The following SPG7 variants were observed in gnomAD, a reference collection of about 807,000 sequenced individuals.
The protein encoded by SPG7 is mitochondrial inner membrane m-AAA protease component paraplegin.
Under a neutral mutation model 81.9 loss-of-function variants are expected in SPG7, and 103 were observed. That is an observed-to-expected ratio of 1.26 (90% CI 1.07 to 1.48). The LOEUF is 1.48. Ranked by LOEUF, SPG7 falls within the 40% of genes most tolerant of loss-of-function variation. The pLI is 0.00. For synonymous variants in SPG7, 534 were observed against 444.2 expected, an observed-to-expected ratio of 1.20 and a Z score of -2.54; for missense variants, 1,241 against 1,087.3, an observed-to-expected ratio of 1.14 and a Z score of -1.99.
intron 15 of SPG7, 41 bp from the exon 16 acceptor site, chr16:89,554,445 G>T: frequency 7.0e-7 from 1 of 1,423,688 alleles, no homozygotes; most frequent in Non-Finnish European, 9.8e-7. Context: ...CTGGAGCCAG[G>T]CGGCCAGCCT....
chr16:89,528,051 G>A lies in SPG7; in HGVS notation c.759-1426G>A, dbSNP rs544530832. 4.6e-5 allele frequency among the ~76,000 whole-genome samples: 7 copies of A among 152,268 alleles called. No individual in the cohort carries two copies. The South Asian group carries it at 8.3e-4, about 18-fold the overall frequency. ...AGTGATGTACAGAAGATGGAGGGTT[G>A]GGGCAGGCCCATTCTCGTGTCTTCG... On this transcript the variant is annotated intron_variant, in intron 5 of 16. Transcript: ENST00000645818.
rs1597657919 is a variant in SPG7 at position 89,547,787 on chromosome 16, A to G, written c.1553-216A>G. ...ACCACCACGCCCGGCTAATTTTTGT[A>G]TTTTTAGTAGCAATAGGGTTTCACC... On this transcript the variant is annotated intron_variant, in intron 11 of 16. Coordinates refer to ENST00000645818, the MANE Select transcript of SPG7 (RefSeq NM_003119.4). 1.4e-5 allele frequency: 7 copies of G among 516,052 alleles called. No homozygotes were observed. The East Asian group carries it at 2.5e-4, about 18-fold the overall frequency. 32.0% of individuals were successfully genotyped at this position (516,052 alleles called of 1,614,324 possible). A position where few individuals can be genotyped will look rare whatever the true frequency, so the allele number is the denominator to read the frequency against.
chr16:89,520,231 A>T (rs1310518844), intron 3 of SPG7: 1 of 153,108 alleles, frequency 6.5e-6, no homozygotes, highest in Non-Finnish European at 1.5e-5. Flanking sequence ...AAATGACCAC[A>T]ACACTGAAGG....
At chr16:89,537,063 G>C in intron 9 of SPG7, 1 of 1,577,982 alleles carries the variant, frequency 6.3e-7, no homozygotes, top group Non-Finnish European at 8.6e-7. Context: ...AAGGCCTCTT[G>C]TTGAGTGCCA....
In SPG7 at chr16:89,553,046, T is replaced by C. The variant is rs1473947117; in HGVS notation, c.1847T>C (p.Leu616Pro). The C allele has an allele frequency of 6.2e-7, 1 of 1,613,938 alleles. No homozygotes were observed. Among genetic ancestry groups the C allele is most frequent in the Non-Finnish European group, 8.5e-7 (1 of 1,180,000 alleles). The change falls in exon 14 of 17, where the codon CTC (leucine) becomes CCC (proline). Residue 616 changes from leucine (L) to proline (P), a missense_variant. Leu to Pro is a moderately conservative substitution (Grantham distance 98). Transcript: ENST00000645818. The part of the protein sequence containing the change: ...FAQMLPRDQH[L>P]FTKEQLFERM... ...CAGATGCTCCCCAGAGACCAGCACCTCTTCACCAAGGAGCAGCTGTTTGAG... is the reference window on the plus strand; with the variant it reads ...CAGATGCTCCCCAGAGACCAGCACCCCTTCACCAAGGAGCAGCTGTTTGAG...
intron 3 of SPG7, 144 bp downstream of exon 3, chr16:89,513,181 G>A (rs1215271360): frequency 1.7e-5 from 20 of 1,205,932 alleles, no homozygotes; most frequent in Non-Finnish European, 1.2e-6. Flanking sequence ...GAAACGCTTT[G>A]GGAGGCCCAG....
intron 9 of SPG7, chr16:89,537,575 A>C (rs746669219): frequency 6.1e-6 from 6 of 982,290 alleles, no homozygotes; most frequent in African/African-American, 1.8e-5. Context: ...TCTGTCGCCC[A>C]GGCTGGAGTG....
chr16:89,550,249 T>C, intron 12 of SPG7: 1 of 449,228 alleles, frequency 2.2e-6, no homozygotes, highest in Non-Finnish European at 4.2e-6. Flanking sequence ...CTTGCCCTAC[T>C]GTAACCTCCG....
At chr16:89,509,431 A>G (rs1230565690) in intron 1 of SPG7, among the ~76,000 whole-genome samples, 2 of 152,046 alleles carry the variant, frequency 1.3e-5, no homozygotes, top group Non-Finnish European at 2.9e-5. Context: ...TTGTATTTTT[A>G]GTAGAGACGG....
intron 2 of SPG7, among the ~76,000 whole-genome samples, chr16:89,511,875 C>T (rs1474423164): frequency 6.6e-6 from 1 of 151,846 alleles, no homozygotes; most frequent in South Asian, 2.1e-4. Flanking sequence ...TGTGTCACCA[C>T]GTACAGCTAC....
intron 3 of SPG7, chr16:89,514,305 T>G (rs1451055472): frequency 7.1e-6 from 1 of 141,558 alleles, no homozygotes; most frequent in Non-Finnish European, 1.5e-5. Context: ...GTGTGTCCTT[T>G]GACTTTTTTT....
chr16:89,535,072 T>C (rs1597639672), intron 9 of SPG7, among the ~76,000 whole-genome samples: 1 of 152,336 alleles, frequency 6.6e-6, no homozygotes, highest in African/African-American at 2.4e-5. Flanking sequence ...TACAGGCCAG[T>C]GACATTCAGG....
In SPG7 at chr16:89,536,520, CAGGT is replaced by C. The variant is rs1567918927; in HGVS notation, c.1324+3885_1324+3888del. ...GCAGGTGAGGTGAGGCGGGTGAGGT[CAGGT>C]GAGGCGGGTGAGGTCAGGTGAGGCA... is the stretch of plus-strand genomic sequence containing the variant. On this transcript the variant is annotated intron_variant, in intron 9 of 16. Transcript: ENST00000645818. Among the ~76,000 whole-genome samples, 95 of 49,626 alleles carry C rather than the reference CAGGT, an allele frequency of 1.9e-3. 4 individuals carry two copies. The highest frequency in any genetic ancestry group is 0.036 in the Middle Eastern group (2 of 56). 32.6% of individuals were successfully genotyped at this position (49,626 alleles called of 152,430 possible).
Position 89,544,734 on chromosome 16 carries a change from C to A in SPG7, c.1411C>A (p.Leu471Met). The A allele has an allele frequency of 1.9e-6, 3 of 1,614,100 alleles. No individual in the cohort carries two copies. The highest frequency in any genetic ancestry group is 2.5e-6 in the Non-Finnish European group (3 of 1,179,992). ...LDGALMRPGR[L>M]DRHVFIDLPT... The stretch of plus-strand genomic sequence containing the variant: ...CGGTGCTCTGATGAGGCCAGGCCGA[C>A]TGGACCGGCACGTCTTCATTGATCT... The change falls in exon 10 of 17, where the codon CTG becomes ATG. Residue 471 changes from leucine (L) to methionine (M), a missense_variant. Physicochemically the swap from Leu to Met is conservative, Grantham distance 15 (BLOSUM62 2). Transcript: ENST00000645818.
rs1436854244 is a variant in SPG7, at chr16:89,557,444, G to A, written c.*351G>A. The A allele has an allele frequency of 1.2e-5, 4 of 328,316 alleles. No homozygotes were observed. Among genetic ancestry groups the A allele is most frequent in the Non-Finnish European group, 2.3e-5 (4 of 172,288 alleles). The allele number at this position is 328,316 out of a possible 1,614,324, so 20.3% of individuals were successfully genotyped here. On this transcript the variant is annotated 3_prime_UTR_variant, in exon 17 of 17. Transcript: ENST00000645818. ...GCATTCAGACTCCAAACAGACCCCT[G>A]TTCATGCCGACGCTTGCACGACCGC...
intron 1 of SPG7, chr16:89,509,107 C>T (rs1052146550): frequency 2.1e-5 from 8 of 382,748 alleles, no homozygotes; most frequent in African/African-American, 1.3e-4. Flanking sequence ...ATTGAGCACC[C>T]CCTGTAGTGC....
At chr16:89,548,910 T>C (rs2152410549) in intron 12 of SPG7, 1 of 453,010 alleles carries the variant, frequency 2.2e-6, no homozygotes, top group Non-Finnish European at 4.4e-6. Context: ...CTTTGCGAGC[T>C]ATCCCTGCGA....
intron 4 of SPG7, among the ~76,000 whole-genome samples, chr16:89,525,561 C>T (rs2058248767): frequency 6.6e-6 from 1 of 152,184 alleles, no homozygotes; most frequent in Non-Finnish European, 1.5e-5. Context: ...TCCAGTTAAC[C>T]TCAAAGAGAG....
At chr16:89,556,860 A>G (rs2058692030) in intron 16 of SPG7, 27 bp from the exon 17 acceptor site, 2 of 1,579,542 alleles carry the variant, frequency 1.3e-6, no homozygotes, top group Non-Finnish European at 1.7e-6. Flanking sequence ...CTGGGGACTC[A>G]CACACTGCTA....
Sources: allele counts gnomAD v4.1 joint callset (sites outside exome capture counted in the v4.1 genomes callset), GRCh38; gene constraint gnomAD v4.1.1; transcripts MANE v1.5; gene names NCBI Gene and HGNC (gene_info 2026-07-23, HGNC 2026-07-21).